FMN1: variants seen among roughly 807,000 people sequenced by gnomAD.
The protein encoded by FMN1 is formin 1.
In FMN1, 110 loss-of-function variants were observed where a neutral mutation model predicts 132.4. The ratio of observed to expected loss-of-function variants is 0.83; its 90% CI spans 0.71 to 0.97. FMN1 has a LOEUF of 0.97. Among genes scored for constraint, FMN1 ranks in the 50% least tolerant of loss-of-function variants. The pLI is 0.00. For synonymous variants in FMN1, 722 were observed against 651.7 expected (o/e 1.11, Z -1.64); for missense variants, 1,792 against 1,705.3 (o/e 1.05, Z -0.90).
chr15:32,948,299 T>A (rs193141915), intron 9 of FMN1, among the ~76,000 whole-genome samples: 62 of 152,148 alleles, frequency 4.1e-4, no homozygotes, highest in Non-Finnish European at 7.2e-4. Context: ...AACATTTTTT[T>A]ATATATTTCT....
intron 9 of FMN1, among the ~76,000 whole-genome samples, chr15:32,936,167 T>C (rs28453761): frequency 0.044 from 6,706 of 152,322 alleles, 207 homozygotes; most frequent in East Asian, 0.12. Context: ...AACATCTTTA[T>C]GACATTTATT....
intron 5 of FMN1, chr15:33,066,760 A>G (rs1165724490): frequency 5.0e-6 from 8 of 1,613,950 alleles, no homozygotes; most frequent in Non-Finnish European, 6.8e-6. Flanking sequence ...TCTCTTGGTC[A>G]GCATTGCAGC....
At chr15:32,804,444 G>GCA in intron 17 of FMN1, 112 bp from the exon 18 acceptor site, 12 of 78,414 alleles carry the variant, frequency 1.5e-4, no homozygotes, top group South Asian at 1.3e-3. Flanking sequence ...ATTCGGGGGG[G>GCA]GGGGGGGGGG....
chr15:32,961,113 A>AG (rs1292477361), intron 9 of FMN1, among the ~76,000 whole-genome samples: 6 of 151,230 alleles, frequency 4.0e-5, no homozygotes, highest in Non-Finnish European at 7.4e-5. Context: ...CTGGTGGGTC[A>AG]GGTAGATTCA....
intron 4 of FMN1, chr15:33,150,050 T>G (rs1964381704): frequency 1.0e-6 from 1 of 985,308 alleles, no homozygotes; most frequent in South Asian, 4.7e-5. Flanking sequence ...GAGCATATGC[T>G]TCCATCACCA....
At chr15:33,158,635 G>A (rs1254260250) in intron 3 of FMN1, among the ~76,000 whole-genome samples, 1 of 152,134 alleles carries the variant, frequency 6.6e-6, no homozygotes, top group African/African-American at 2.4e-5. Context: ...GAAGCAGTAT[G>A]TTGTAAGAAA....
rs1044364571 is a variant in FMN1, at chr15:32,774,163, C to T, written c.*147G>A. The T allele has an allele frequency of 3.7e-5, 25 of 675,392 alleles. No individual in the cohort carries two copies. Among genetic ancestry groups the T allele is most frequent in the Non-Finnish European group, 6.0e-5 (23 of 383,454 alleles). 41.8% of individuals were successfully genotyped at this position (675,392 alleles called of 1,614,324 possible). A position where few individuals can be genotyped will look rare whatever the true frequency, so the allele number is the denominator to read the frequency against. ...GACTTCTTAAAGAAGGCATGGGGCA[C>T]TCTCTGCAGATGACCTCAGAAAGAG... On this transcript the variant is annotated 3_prime_UTR_variant, in exon 21 of 21. Coordinates refer to ENST00000616417, the MANE Select transcript of FMN1 (RefSeq NM_001277313.2).
intron 5 of FMN1, among the ~76,000 whole-genome samples, chr15:33,068,471 G>C (rs547547456): frequency 2.0e-4 from 31 of 152,268 alleles, no homozygotes; most frequent in African/African-American, 7.2e-4. Flanking sequence ...TCTGGATTAT[G>C]ATCAGAGAGG....
At chr15:32,781,199 A>G (rs925728431) in intron 19 of FMN1, among the ~76,000 whole-genome samples, 1 of 152,208 alleles carries the variant, frequency 6.6e-6, no homozygotes, top group Admixed American at 6.5e-5. Flanking sequence ...TCAAAATAGT[A>G]AATACTTAAA....
Position 32,770,531 on chromosome 15 carries a change from G to A in FMN1, c.*3779C>T, listed in dbSNP as rs1225708311. On this transcript the variant is annotated 3_prime_UTR_variant, in exon 21 of 21. Transcript: ENST00000616417. Reference sequence around the variant, plus strand: ...GTACCAATGACTTATCTTACTGGAGGTGTTAATACCACCAACATATTTTAT... The same window carrying A: ...GTACCAATGACTTATCTTACTGGAGATGTTAATACCACCAACATATTTTAT... The A allele has an allele frequency of 4.6e-5, 7 of 152,192 alleles. No individual in the cohort carries two copies. The highest frequency in any genetic ancestry group is 3.9e-4 in the Admixed American group (6 of 15,284). The allele number at this position is 152,192 out of a possible 1,614,324, so 9.4% of individuals were successfully genotyped here.
chr15:33,094,625 A>G (rs1163818927), intron 4 of FMN1, among the ~76,000 whole-genome samples: 1 of 152,244 alleles, frequency 6.6e-6, no homozygotes, highest in East Asian at 1.9e-4. Context: ...TCCTTCCCAG[A>G]AAGTCAAACA....
intron 6 of FMN1, among the ~76,000 whole-genome samples, chr15:33,016,507 G>C (rs534336927): frequency 6.6e-6 from 1 of 152,250 alleles, no homozygotes; most frequent in African/African-American, 2.4e-5. Context: ...AAGCATAACC[G>C]GTTTTGTGTC....
At chr15:32,833,312 G>A (rs2058547422) in intron 17 of FMN1, among the ~76,000 whole-genome samples, 1 of 152,172 alleles carries the variant, frequency 6.6e-6, no homozygotes, top group African/African-American at 2.4e-5. Context: ...GGAGGAAAGG[G>A]CTTGGGTTAA....
chr15:33,184,759 C>T (rs1295832413), intron 2 of FMN1, among the ~76,000 whole-genome samples: 1 of 152,176 alleles, frequency 6.6e-6, no homozygotes, highest in East Asian at 1.9e-4. Flanking sequence ...CCACCTCGGC[C>T]TCCCAAAATG....
At chr15:33,097,169 C>T (rs575462676) in intron 4 of FMN1, among the ~76,000 whole-genome samples, 1 of 151,984 alleles carries the variant, frequency 6.6e-6, no homozygotes, top group African/African-American at 2.4e-5. Flanking sequence ...TGGTGGCCTG[C>T]GCCTGTGGTG....
In FMN1 at chr15:32,898,952, G is replaced by A. The variant is rs79322362; in HGVS notation, c.3655-59C>T. The A allele has an allele frequency of 3.2e-4, 366 of 1,139,910 alleles. 1 individual carries two copies. In the African/African-American group the frequency reaches 5.0e-3, roughly 15 times the overall value. 70.6% of individuals were successfully genotyped at this position (1,139,910 alleles called of 1,614,324 possible). Reference sequence around the variant, plus strand: ...TTCCCATGAGACTGTCATGTTACACGGTTGAGAGGTGAAATCTCAGTTGAG... The same window carrying A: ...TTCCCATGAGACTGTCATGTTACACAGTTGAGAGGTGAAATCTCAGTTGAG... On this transcript the variant is annotated intron_variant, in intron 14 of 20. Transcript: ENST00000616417.
chr15:32,811,485 G>A (rs560071630), intron 17 of FMN1, among the ~76,000 whole-genome samples: 1 of 152,006 alleles, frequency 6.6e-6, no homozygotes, highest in African/African-American at 2.4e-5. Context: ...AAAGTACCAA[G>A]TAAAGGACAT....
chr15:33,041,299 A>G (rs1445847630), intron 6 of FMN1, among the ~76,000 whole-genome samples: 1 of 151,940 alleles, frequency 6.6e-6, no homozygotes, highest in Non-Finnish European at 1.5e-5. Context: ...TAACTGGAAA[A>G]TATCAGAAGG....
chr15:32,810,202 C>T (rs1247490850), intron 17 of FMN1, among the ~76,000 whole-genome samples: 1 of 152,224 alleles, frequency 6.6e-6, no homozygotes, highest in Non-Finnish European at 1.5e-5. Context: ...CAGGCGTGAG[C>T]CACCGTGCCC....
Sources: gnomAD v4.1 joint callset for allele counts (sites outside exome capture counted in the v4.1 genomes callset) on GRCh38, gnomAD v4.1.1 for gene constraint, MANE v1.5 for transcripts, NCBI Gene and HGNC (gene_info 2026-07-23, HGNC 2026-07-21) for gene names.